The following STK17B variants were observed in gnomAD, a reference collection of about 807,000 sequenced individuals.
STK17B encodes serine/threonine-protein kinase 17B.
In STK17B, 21 loss-of-function variants were observed where a neutral mutation model predicts 42.0. That is an observed-to-expected ratio of 0.50 (90% confidence interval 0.35 to 0.72). The LOEUF (loss-of-function observed/expected upper bound fraction) is 0.72. Among genes scored for constraint, STK17B ranks in the 30% least tolerant of loss-of-function variants. The pLI is 0.00. For synonymous variants in STK17B, 143 were observed against 148.4 expected (o/e 0.96, Z 0.26); for missense variants, 349 against 446.0 (o/e 0.78, Z 1.96).
At chr2:196,149,364 C>T (rs1490846580) in intron 3 of STK17B, among the ~76,000 whole-genome samples, 1 of 152,056 alleles carries the variant, frequency 6.6e-6, no homozygotes, top group Non-Finnish European at 1.5e-5. Flanking sequence ...CTGGGTTTCA[C>T]CGTGTTAGCC....
rs66802894 is a variant in STK17B at position 196,135,777 on chromosome 2, C to CAAAAAAAAAAAAAAAAAAAAAAAAAAA, written c.*1669_*1670insTTTTTTTTTTTTTTTTTTTTTTTTTTT. The CAAAAAAAAAAAAAAAAAAAAAAAAAAA allele has an allele frequency of 2.0e-5, 1 of 50,164 alleles. No homozygotes were observed. Among genetic ancestry groups the CAAAAAAAAAAAAAAAAAAAAAAAAAAA allele is most frequent in the Non-Finnish European group, 3.3e-5 (1 of 30,170 alleles). The allele number at this position is 50,164 out of a possible 1,614,324, so 3.1% of individuals were successfully genotyped here. A position where few individuals can be genotyped will look rare whatever the true frequency, so the allele number is the denominator to read the frequency against. Reference sequence around the variant, plus strand: ...TGAGAGACAGAGCAAAACTCCATCTCAAAAAAAAAAAAAAAAAAAAAAAGC... The same window carrying CAAAAAAAAAAAAAAAAAAAAAAAAAAA: ...TGAGAGACAGAGCAAAACTCCATCTCAAAAAAAAAAAAAAAAAAAAAAAAAAAAAAAAAAAAAAAAAAAAAAAAAAGC... On this transcript the variant is annotated 3_prime_UTR_variant, in exon 8 of 8. Coordinates refer to ENST00000263955, the MANE Select transcript of STK17B (RefSeq NM_004226.4).
chr2:196,140,085 C>T (rs973179966), intron 6 of STK17B, among the ~76,000 whole-genome samples: 12 of 152,316 alleles, frequency 7.9e-5, no homozygotes, highest in African/African-American at 2.6e-4. Context: ...GTGGAGTACA[C>T]AAAGCTGCTG....
rs771032608 is a variant in STK17B, at chr2:196,139,663, G to C, written c.793C>G (p.Leu265Val). Residue 265 changes from leucine to valine, a missense_variant, in exon 7 of 8, where the codon CTG (leucine) becomes GTG (valine). Leu to Val is a conservative substitution (Grantham distance 32). Around this residue, in one of 3 missense-constraint regions of STK17B, gnomAD observed 256 missense variants for 347.7 expected, o/e 0.74. Coordinates refer to ENST00000263955, the MANE Select transcript of STK17B (RefSeq NM_004226.4). The part of the protein sequence containing the change: ...SEETFSSVSQ[L>V]ATDFIQSLLV... Reference sequence around the variant, plus strand: ...AGGCTCTGAATAAAGTCTGTGGCCAGCTGTGAAACTGATGAAAAAGTTTCT... The same window carrying C: ...AGGCTCTGAATAAAGTCTGTGGCCACCTGTGAAACTGATGAAAAAGTTTCT... 6.8e-7 allele frequency: 1 copy of C among 1,461,932 alleles called. No individual in the cohort carries two copies. 90.6% of individuals were successfully genotyped at this position (1,461,932 alleles called of 1,614,324 possible).
At chr2:196,163,650 G>A (rs6434830) in intron 1 of STK17B, among the ~76,000 whole-genome samples, 1 of 151,930 alleles carries the variant, frequency 6.6e-6, no homozygotes. Context: ...ATAAAACTAC[G>A]GTAAAAATCC....
chr2:196,162,710 C>A (rs537379562), intron 2 of STK17B, among the ~76,000 whole-genome samples: 11 of 151,662 alleles, frequency 7.3e-5, no homozygotes, highest in Non-Finnish European at 1.5e-4. Context: ...CCAGCCTGGG[C>A]AACATGGAGA....
intron 3 of STK17B, among the ~76,000 whole-genome samples, chr2:196,148,382 A>G (rs1202662804): frequency 6.6e-6 from 1 of 152,160 alleles, no homozygotes; most frequent in African/African-American, 2.4e-5. Flanking sequence ...ATCGTCTCAA[A>G]ACAGAAAGTG....
intron 2 of STK17B, among the ~76,000 whole-genome samples, chr2:196,162,768 T>C (rs1478567546): frequency 6.6e-6 from 1 of 152,056 alleles, no homozygotes; most frequent in East Asian, 1.9e-4. Context: ...TGTGTGCCTG[T>C]AGTCCCAGCT....
intron 2 of STK17B, among the ~76,000 whole-genome samples, chr2:196,162,979 C>A (rs537871569): frequency 2.6e-4 from 40 of 152,314 alleles, no homozygotes; most frequent in African/African-American, 9.4e-4. Flanking sequence ...CGGCAGTCCA[C>A]TATGCTGAGC....
intron 3 of STK17B, among the ~76,000 whole-genome samples, chr2:196,147,324 G>A (rs1699590683): frequency 6.6e-6 from 1 of 151,928 alleles, no homozygotes; most frequent in South Asian, 2.1e-4. Context: ...CACTGCAGTA[G>A]GTGGTCAGTA....
At chr2:196,143,712 A>T in intron 4 of STK17B, 26 bp from the exon 5 acceptor site, 1 of 1,481,346 alleles carries the variant, frequency 6.8e-7, no homozygotes, top group Non-Finnish European at 9.0e-7. Context: ...CAAAAACATG[A>T]TAAGTAATAT....
intron 2 of STK17B, 23 bp downstream of exon 2, chr2:196,163,239 T>A (rs751137523): frequency 6.2e-7 from 1 of 1,607,016 alleles, no homozygotes; most frequent in African/African-American, 1.3e-5. Context: ...TTAGATGGCA[T>A]ACACGTCATA....
intron 3 of STK17B, among the ~76,000 whole-genome samples, chr2:196,147,777 G>A (rs1315608189): frequency 6.6e-6 from 1 of 150,510 alleles, no homozygotes; most frequent in African/African-American, 2.4e-5. Context: ...CTGTTGCCAG[G>A]CTGGAGTGCA....
Position 196,136,569 on chromosome 2 carries a change from GCTGT to G in STK17B, c.*874_*877del, listed in dbSNP as rs1211844132. 2 of 152,190 alleles carry G rather than the reference GCTGT, an allele frequency of 1.3e-5. No individual in the cohort carries two copies. Among genetic ancestry groups the G allele is most frequent in the African/African-American group, 4.8e-5 (2 of 41,430 alleles). The allele number at this position is 152,190 out of a possible 1,614,324, so 9.4% of individuals were successfully genotyped here. On this transcript the variant is annotated 3_prime_UTR_variant, in exon 8 of 8. Coordinates refer to ENST00000263955, the MANE Select transcript of STK17B (RefSeq NM_004226.4). ...GCAGAAGACATCTAAAATTCAGTAA[GCTGT>G]CTGAGTGTGTCAACATTTTCTTCTA...
intron 1 of STK17B, 125 bp from the exon 2 acceptor site, chr2:196,163,552 T>C: frequency 1.4e-6 from 1 of 727,372 alleles, no homozygotes; most frequent in South Asian, 3.6e-5. Context: ...GAGCACATTC[T>C]ATCCACAAGG....
Position 196,137,470 on chromosome 2 carries a change from G to A in STK17B, c.1096C>T (p.Leu366Phe), listed in dbSNP as rs1400094453. Residue 366 changes from leucine (L) to phenylalanine (F), a missense_variant, in exon 8 of 8, where the codon CTT becomes TTT. This residue lies in a region of STK17B where 87 missense variants were observed against 78.8 expected (regional missense o/e 1.10). Coordinates refer to ENST00000263955, the MANE Select transcript of STK17B (RefSeq NM_004226.4). ...FDDSLPNPHELVSDLLC is the reference protein window; with the variant it reads ...FDDSLPNPHEFVSDLLC ...TGCTAACAGAGCAAATCTGAAACAA[G>A]TTCATGGGGATTGGGTAATGAGTCA... 1.2e-6 allele frequency: 2 copies of A among 1,613,960 alleles called. No individual in the cohort carries two copies. The highest frequency in any genetic ancestry group is 1.1e-5 in the South Asian group (1 of 91,040).
At chr2:196,175,588 A>C (rs1313300261), upstream of STK17B, among the ~76,000 whole-genome samples, 1 of 152,226 alleles carries the variant, frequency 6.6e-6, no homozygotes. Flanking sequence ...ATTGTGTACC[A>C]CTGCACTCCA....
rs764148436 is a variant in STK17B, at chr2:196,163,369, TCTC to T, written c.12_14del (p.Arg5del). 278 of 1,596,750 alleles carry T rather than the reference TCTC, an allele frequency of 1.7e-4. No homozygotes were observed. The highest frequency in any genetic ancestry group is 2.3e-4 in the Non-Finnish European group (266 of 1,175,484). On this transcript the variant is annotated inframe_deletion, in exon 2 of 8. Transcript: ENST00000263955. ...GGCCTGAAATACTTCGGCAATCAAA[TCTC>T]CTCCTCGACATGTTAGGTGATTCCC...
Position 196,145,932 on chromosome 2 carries a change from G to A in STK17B, c.459C>T (p.Asn153=). The A allele has an allele frequency of 6.3e-7, 1 of 1,588,102 alleles. No individual in the cohort carries two copies. The highest frequency in any genetic ancestry group is 2.3e-5 in the East Asian group (1 of 44,252). ...LEGVYYLHQN[N]IVHLDLKPQN... ...TTACCTTTAAATCAAGGTGTACAAT[G>A]TTATTCTGATGTAGATAATAAACTC... The change falls in exon 4 of 8, where the codon AAC becomes AAT. Residue 153 remains asparagine, a synonymous_variant. Transcript: ENST00000263955.
chr2:196,137,808 A>G (rs1486593713), intron 7 of STK17B, 79 bp from the exon 8 acceptor site: 3 of 1,467,446 alleles, frequency 2.0e-6, no homozygotes, highest in Non-Finnish European at 2.7e-6. Context: ...GATTATAGAC[A>G]TATTTTTTAC....
Sources: gnomAD v4.1 joint callset for allele counts (sites outside exome capture counted in the v4.1 genomes callset) on GRCh38, gnomAD v4.1.1 for gene constraint, gnomAD v4.1.1 regional missense constraint, MANE v1.5 for transcripts, NCBI Gene and HGNC (gene_info 2026-07-23, HGNC 2026-07-21) for gene names.